The following PKHD1 variants were observed in gnomAD, a reference collection of about 807,000 sequenced individuals.
The protein encoded by PKHD1 is fibrocystin.
In PKHD1, 291 loss-of-function variants were observed where a neutral mutation model predicts 412.0. The ratio of observed to expected loss-of-function variants is 0.71; its 90% CI spans 0.64 to 0.78. The LOEUF (loss-of-function observed/expected upper bound fraction) is 0.78. Among genes scored for constraint, PKHD1 ranks in the 30% least tolerant of loss-of-function variants. The probability of loss-of-function intolerance (pLI) is 0.00; values close to 1 mark genes in which losing one functional copy is unlikely to be tolerated. For synonymous variants in PKHD1, 1,777 were observed against 1,821.5 expected (o/e 0.98, Z 0.62); for missense variants, 4,825 against 4,950.7 (o/e 0.97, Z 0.76).
At chr6:52,086,501 T>C (rs1315212199) in intron 1 of PKHD1, among the ~76,000 whole-genome samples, 1 of 151,646 alleles carries the variant, frequency 6.6e-6, no homozygotes, top group African/African-American at 2.4e-5. Context: ...ACTCCCCCCC[T>C]CAAAAAAAAA....
intron 60 of PKHD1, among the ~76,000 whole-genome samples, chr6:51,664,371 G>T (rs1417285918): frequency 6.6e-6 from 1 of 152,200 alleles, no homozygotes; most frequent in East Asian, 1.9e-4. Context: ...CAGGGTTGGA[G>T]CCCGAGAGGG....
At chr6:51,839,883 TA>T (rs1467745027) in intron 50 of PKHD1, among the ~76,000 whole-genome samples, 1 of 151,770 alleles carries the variant, frequency 6.6e-6, no homozygotes, top group East Asian at 1.9e-4. Context: ...TGAAAGAACA[TA>T]AAACAGCAAC....
Position 52,024,930 on chromosome 6 carries a change from A to G in PKHD1, c.4880T>C (p.Val1627Ala), listed in dbSNP as rs1801911497. The G allele has an allele frequency of 1.2e-6, 2 of 1,614,202 alleles. No homozygotes were observed. The highest frequency in any genetic ancestry group is 1.7e-5 in the Admixed American group (1 of 60,030). The change falls in exon 32 of 67, where the codon GTT becomes GCT. Residue 1627 changes from valine to alanine, a missense_variant. Transcript: ENST00000371117. The stretch of plus-strand genomic sequence containing the variant: ...GGCAACAGAGCCATTCCCTGTGGGA[A>G]CAATGCACCGGATGAGCTCAGCACC... ...NIGAELIRCI[V>A]PTGNGSVALE...
At chr6:51,770,177 C>T (rs1416196049) in intron 55 of PKHD1, among the ~76,000 whole-genome samples, 3 of 151,468 alleles carry the variant, frequency 2.0e-5, no homozygotes, top group Non-Finnish European at 4.4e-5. Context: ...TGTCTTAGAT[C>T]GTGATTTTTG....
intron 55 of PKHD1, among the ~76,000 whole-genome samples, chr6:51,771,485 G>T (rs189666477): frequency 2.0e-4 from 30 of 152,112 alleles, no homozygotes; most frequent in African/African-American, 6.0e-4. Flanking sequence ...TGGGCATGGT[G>T]GTGTGTGCCT....
At chr6:51,894,029 C>G (rs1779507826) in intron 43 of PKHD1, among the ~76,000 whole-genome samples, 1 of 152,194 alleles carries the variant, frequency 6.6e-6, no homozygotes, top group South Asian at 2.1e-4. Context: ...CAGTCCCTTG[C>G]TGTTTGAGAG....
At chr6:52,045,970 A>G (rs994756160) in intron 24 of PKHD1, 34 bp downstream of exon 24, 1 of 1,466,778 alleles carries the variant, frequency 6.8e-7, no homozygotes, top group Non-Finnish European at 9.6e-7. Flanking sequence ...CCAGGGCAGC[A>G]AATCCATGCC....
Position 51,633,052 on chromosome 6 carries a change from G to A in PKHD1, c.11507-329C>T, listed in dbSNP as rs527658500. 5.3e-5 allele frequency among the ~76,000 whole-genome samples: 8 copies of A among 152,070 alleles called. No homozygotes were observed. The South Asian group carries it at 1.5e-3, about 28-fold the overall frequency. ...TCTTTCACTCATGTTTCACTAATGA[G>A]AATAAAAATATTCTCAGCTCCAGAA... On this transcript the variant is annotated intron_variant, in intron 64 of 66. Coordinates refer to ENST00000371117, the MANE Select transcript of PKHD1 (RefSeq NM_138694.4).
intron 58 of PKHD1, among the ~76,000 whole-genome samples, chr6:51,747,186 G>T (rs184690806): frequency 1.7e-4 from 26 of 152,288 alleles, no homozygotes; most frequent in African/African-American, 5.5e-4. Flanking sequence ...CAAACCCACT[G>T]CCAGATAAAC....
intron 36 of PKHD1, among the ~76,000 whole-genome samples, chr6:51,944,306 C>T (rs935697235): frequency 4.6e-5 from 7 of 152,092 alleles, no homozygotes; most frequent in Non-Finnish European, 5.9e-5. Flanking sequence ...AAAACGGCCC[C>T]GCCCCATCTC....
In PKHD1 at chr6:51,616,483, C is replaced by T; in HGVS notation, c.*2598G>A. ...TGGCTCATCTCCAGACATGAATGAA[C>T]ATAGAGCTGCTCTCTTTGCTTTTGG... is the stretch of plus-strand genomic sequence containing the variant. On this transcript the variant is annotated 3_prime_UTR_variant, in exon 67 of 67. Coordinates refer to ENST00000371117, the MANE Select transcript of PKHD1 (RefSeq NM_138694.4). 7.7e-6 allele frequency: 3 copies of T among 390,086 alleles called. No homozygotes were observed. The highest frequency in any genetic ancestry group is 1.4e-5 in the Non-Finnish European group (3 of 221,198). 24.2% of individuals were successfully genotyped at this position (390,086 alleles called of 1,614,324 possible).
chr6:51,688,589 T>A (rs1056799987), intron 60 of PKHD1, among the ~76,000 whole-genome samples: 1 of 150,816 alleles, frequency 6.6e-6, no homozygotes, highest in Non-Finnish European at 1.5e-5. Context: ...GATCACTAGC[T>A]AAACTAATAA....
rs529878285 is a variant in PKHD1 at position 51,644,925 on chromosome 6, G to T, written c.11398+3106C>A. ...GATCTCTTGACCTTGTGATCTGCCC[G>T]CCTTGGCCTCCCAAAGTGCTGGCAT... On this transcript the variant is annotated intron_variant, in intron 63 of 66. Transcript: ENST00000371117. Among the ~76,000 whole-genome samples, 151 of 152,162 alleles carry T rather than the reference G, an allele frequency of 9.9e-4. 1 individual carries two copies. Among genetic ancestry groups the T allele is most frequent in the African/African-American group, 3.5e-3 (146 of 41,510 alleles).
intron 37 of PKHD1, among the ~76,000 whole-genome samples, chr6:51,919,487 T>C (rs750492040): frequency 2.0e-5 from 3 of 152,220 alleles, no homozygotes; most frequent in Admixed American, 6.5e-5. Flanking sequence ...CATTGGTCTA[T>C]ATCTCTGTTT....
chr6:52,058,298 C>T (rs1808101593), intron 16 of PKHD1, 25 bp downstream of exon 16: 5 of 1,613,342 alleles, frequency 3.1e-6, no homozygotes, highest in Non-Finnish European at 4.2e-6. Flanking sequence ...AGTTCAGCTC[C>T]ATGGGACTGG....
chr6:51,786,750 A>T (rs1234636443), intron 53 of PKHD1, among the ~76,000 whole-genome samples: 1 of 152,182 alleles, frequency 6.6e-6, no homozygotes, highest in Non-Finnish European at 1.5e-5. Context: ...ACACCTCTTG[A>T]AAGTTCAGGT....
chr6:51,638,850 TGGA>T lies in PKHD1; in HGVS notation c.11502_11504del (p.Pro3835del). ...TAAAAGCACACTGTATAAAATTACC[TGGA>T]GGAGAAGTGACAGTAAAAATAAAGT... is the stretch of plus-strand genomic sequence containing the variant. On this transcript the variant is annotated inframe_deletion and splice_region_variant, in exon 64 of 67. Transcript: ENST00000371117. 3.3e-6 allele frequency: 5 copies of T among 1,536,350 alleles called. No homozygotes were observed. The highest frequency in any genetic ancestry group is 4.5e-6 in the Non-Finnish European group (5 of 1,111,890).
At chr6:51,714,432 C>T (rs1781021373) in intron 60 of PKHD1, among the ~76,000 whole-genome samples, 1 of 152,074 alleles carries the variant, frequency 6.6e-6, no homozygotes, top group South Asian at 2.1e-4. Flanking sequence ...CCAATGAACA[C>T]TCACCTTTCT....
Position 52,060,051 on chromosome 6 carries a change from T to C in PKHD1, c.1119-9A>G, listed in dbSNP as rs1190120876. On this transcript the variant is annotated splice_polypyrimidine_tract_variant and intron_variant, in intron 14 of 66. Transcript: ENST00000371117. ...ACCCACTGAGCCGTGCTCTGTAAAG[T>C]AGAACATAGAGTCAAGCAAGAGTAA... is the stretch of plus-strand genomic sequence containing the variant. The C allele has an allele frequency of 2.0e-6, 3 of 1,497,392 alleles. No individual in the cohort carries two copies. Among genetic ancestry groups the C allele is most frequent in the South Asian group, 1.1e-5 (1 of 88,734 alleles). 92.8% of individuals were successfully genotyped at this position (1,497,392 alleles called of 1,614,324 possible). A position where few individuals can be genotyped will look rare whatever the true frequency, so the allele number is the denominator to read the frequency against.
Sources: allele counts gnomAD v4.1 joint callset (sites outside exome capture counted in the v4.1 genomes callset), GRCh38; gene constraint gnomAD v4.1.1; transcripts MANE v1.5; gene names NCBI Gene and HGNC (gene_info 2026-07-23, HGNC 2026-07-21).